ASAP1: variants seen among roughly 807,000 people sequenced by gnomAD.
ASAP1 encodes ArfGAP with SH3 domain, ankyrin repeat and PH domain 1.
A neutral mutation model predicts 145.2 loss-of-function variants in ASAP1; 43 were observed. The observed-to-expected ratio is 0.30, with a 90% CI of 0.23 to 0.38. ASAP1 has a LOEUF of 0.38. Ranked by LOEUF, ASAP1 falls within the 10% of genes least tolerant of loss-of-function variation. The pLI is 1.00. For synonymous variants in ASAP1, 546 were observed against 515.5 expected (o/e 1.06, Z -0.80); for missense variants, 1,018 against 1,355.3 (o/e 0.75, Z 3.91).
At chr8:130,098,720 T>C (rs556673743) in intron 24 of ASAP1, among the ~76,000 whole-genome samples, 1 of 152,234 alleles carries the variant, frequency 6.6e-6, no homozygotes, top group African/African-American at 2.4e-5. Context: ...ATGTGTATAA[T>C]GTGTAATGAT....
intron 26 of ASAP1, among the ~76,000 whole-genome samples, chr8:130,077,293 A>C (rs2097464795): frequency 6.6e-6 from 1 of 152,224 alleles, no homozygotes; most frequent in South Asian, 2.1e-4. Flanking sequence ...CACATTGTCT[A>C]AATCATCAAA....
intron 4 of ASAP1, among the ~76,000 whole-genome samples, chr8:130,227,334 A>G (rs1362834412): frequency 6.6e-6 from 1 of 151,868 alleles, no homozygotes; most frequent in African/African-American, 2.4e-5. Flanking sequence ...CTCACTGCAC[A>G]CTTGACCTCA....
chr8:130,421,687 C>T (rs1452062367), intron 1 of ASAP1, among the ~76,000 whole-genome samples: 1 of 152,176 alleles, frequency 6.6e-6, no homozygotes, highest in African/African-American at 2.4e-5. Context: ...GAGAGACTCC[C>T]ACCGAACTAG....
rs764209195 is a variant in ASAP1 at position 130,057,983 on chromosome 8, C to T, written c.3286G>A (p.Val1096Ile). Residue 1096 changes from valine to isoleucine, a missense_variant, in exon 29 of 30, where the codon GTC becomes ATC. Val to Ile is a conservative substitution (Grantham distance 29). Around this residue, in one of 9 missense-constraint regions of ASAP1, gnomAD observed 62 missense variants for 97.8 expected, o/e 0.63. Coordinates refer to ENST00000518721, the MANE Select transcript of ASAP1 (RefSeq NM_018482.4). ...CACTCCTGGTCCTCTTCCCCTGTGA[C>T]GATAATCACTTCTCCCTCGATGAAT... ...LTFIEGEVII[V>I]TGEEDQEWWI... is the part of the protein sequence containing the mutation. 9 of 1,614,096 alleles carry T rather than the reference C, an allele frequency of 5.6e-6. No homozygotes were observed. Among genetic ancestry groups the T allele is most frequent in the South Asian group, 2.2e-5 (2 of 91,094 alleles).
chr8:130,384,535 ATGGCGCTATCT>A (rs2138420839), intron 2 of ASAP1, among the ~76,000 whole-genome samples: 1 of 152,180 alleles, frequency 6.6e-6, no homozygotes, highest in Non-Finnish European at 1.5e-5. Flanking sequence ...CTGGAGTGCA[ATGGCGCTATCT>A]TGGCTCACTG....
chr8:130,286,890 T>C (rs574137667), intron 3 of ASAP1, among the ~76,000 whole-genome samples: 2 of 152,300 alleles, frequency 1.3e-5, no homozygotes, highest in Admixed American at 1.3e-4. Context: ...CATCAGTTTA[T>C]AAACAAGGTA....
chr8:130,401,039 C>T (rs1222717909), intron 2 of ASAP1, among the ~76,000 whole-genome samples: 1 of 151,710 alleles, frequency 6.6e-6, no homozygotes, highest in African/African-American at 2.4e-5. Context: ...TGCCACCACA[C>T]CCGGCTAATT....
intron 18 of ASAP1, 84 bp downstream of exon 18, chr8:130,123,927 CAA>C (rs34680836): frequency 4.2e-3 from 3,563 of 839,066 alleles, no homozygotes; most frequent in Admixed American, 5.7e-3. Flanking sequence ...TGCACCCAGC[CAA>C]AAAAAAAAAA....
intron 3 of ASAP1, among the ~76,000 whole-genome samples, chr8:130,356,457 C>T (rs1373269594): frequency 2.0e-5 from 3 of 152,096 alleles, no homozygotes; most frequent in Non-Finnish European, 4.4e-5. Flanking sequence ...AAGTGAAAGA[C>T]AGACCCATGA....
intron 24 of ASAP1, among the ~76,000 whole-genome samples, chr8:130,107,538 GTATGTAT>G (rs1291715907): frequency 5.1e-4 from 73 of 143,838 alleles, no homozygotes; most frequent in African/African-American, 1.8e-3. Flanking sequence ...ATGTATGTAT[GTATGTAT>G]GTATGTATGT....
chr8:130,218,576 T>G (rs1417648810), intron 4 of ASAP1, among the ~76,000 whole-genome samples: 1 of 152,046 alleles, frequency 6.6e-6, no homozygotes, highest in Admixed American at 6.6e-5. Flanking sequence ...CATTAAAGAA[T>G]AAGATGGAGT....
chr8:130,080,462 G>A lies in ASAP1; in HGVS notation c.2573-491C>T, dbSNP rs1211813510. On this transcript the variant is annotated intron_variant, in intron 25 of 29. Coordinates refer to ENST00000518721, the MANE Select transcript of ASAP1 (RefSeq NM_018482.4). ...CAGGCCCTCAGGCACTTACTGACTC[G>A]TCATTCATTCTCTCTCTTTTTTTTT... is the stretch of plus-strand genomic sequence containing the variant. Among the ~76,000 whole-genome samples, 5 of 145,596 alleles carry A rather than the reference G, an allele frequency of 3.4e-5. 1 individual carries two copies. The highest frequency in any genetic ancestry group is 4.4e-4 in the South Asian group (2 of 4,522).
intron 27 of ASAP1, among the ~76,000 whole-genome samples, chr8:130,062,602 T>C (rs1271657983): frequency 6.6e-6 from 1 of 152,110 alleles, no homozygotes; most frequent in African/African-American, 2.4e-5. Context: ...TGGCTGTGAG[T>C]CACACTGATG....
intron 2 of ASAP1, among the ~76,000 whole-genome samples, chr8:130,394,723 C>A (rs1828445627): frequency 6.6e-6 from 1 of 152,208 alleles, no homozygotes; most frequent in African/African-American, 2.4e-5. Context: ...AAATTTCTCT[C>A]TTTTGTACTC....
intron 3 of ASAP1, among the ~76,000 whole-genome samples, chr8:130,256,739 T>TATATA (rs1565142439): frequency 0.018 from 1,676 of 95,692 alleles, 139 homozygotes; most frequent in Middle Eastern, 0.036. Context: ...ATACACATTC[T>TATATA]TATATATATA....
chr8:130,351,408 T>C (rs901267515), intron 3 of ASAP1, among the ~76,000 whole-genome samples: 3 of 152,208 alleles, frequency 2.0e-5, no homozygotes, highest in Non-Finnish European at 4.4e-5. Flanking sequence ...AGATGATAGG[T>C]GTAAAAAATG....
intron 15 of ASAP1, among the ~76,000 whole-genome samples, chr8:130,130,675 C>G (rs1586390755): frequency 6.6e-6 from 1 of 152,264 alleles, no homozygotes; most frequent in Admixed American, 6.5e-5. Flanking sequence ...CATAGCTTAT[C>G]CTCTCAAAAT....
At chr8:130,306,644 G>A (rs933234202) in intron 3 of ASAP1, among the ~76,000 whole-genome samples, 1 of 152,162 alleles carries the variant, frequency 6.6e-6, no homozygotes, top group Non-Finnish European at 1.5e-5. Flanking sequence ...TCAGCTCTCT[G>A]CATAAGGTTA....
intron 1 of ASAP1, among the ~76,000 whole-genome samples, chr8:130,438,546 C>A (rs760744827): frequency 2.6e-5 from 4 of 152,210 alleles, no homozygotes; most frequent in Non-Finnish European, 5.9e-5. Context: ...TCAGAGGACC[C>A]AGCTCACACC....
Sources: gnomAD v4.1 joint callset for allele counts (sites outside exome capture counted in the v4.1 genomes callset) on GRCh38, gnomAD v4.1.1 for gene constraint, gnomAD v4.1.1 regional missense constraint, MANE v1.5 for transcripts, NCBI Gene and HGNC (gene_info 2026-07-23, HGNC 2026-07-21) for gene names.